The following AGBL1 variants were observed in gnomAD, a reference collection of about 807,000 sequenced individuals.
The protein encoded by AGBL1 is cytosolic carboxypeptidase 4.
AGBL1 carries 130 observed loss-of-function variants against 118.9 expected under a neutral mutation model. The ratio of observed to expected loss-of-function variants is 1.09; its 90% CI spans 0.95 to 1.26. AGBL1 has a LOEUF of 1.26. Among genes scored for constraint, AGBL1 ranks in the 50% most tolerant of loss-of-function variants. The pLI is 0.00. For missense variants in AGBL1, 1,584 were observed against 1,298.1 expected (o/e 1.22, Z -3.38); for synonymous variants, 555 against 478.9 (o/e 1.16, Z -2.08).
In AGBL1 at chr15:86,925,232, G is replaced by C. The variant is rs950051877; in HGVS notation, c.3222-62755G>C. On this transcript the variant is annotated intron_variant, in intron 23 of 24. Transcript: ENST00000441037. Reference sequence around the variant, plus strand: ...AGAAAAGAAGAAGAAAGAAGAACCTGAACCTGGGTGGCTTGTTAAAACAGA... The same window carrying C: ...AGAAAAGAAGAAGAAAGAAGAACCTCAACCTGGGTGGCTTGTTAAAACAGA... Among the ~76,000 whole-genome samples the C allele has an allele frequency of 3.3e-4, 50 of 151,630 alleles. 3 individuals are homozygous for C. Among genetic ancestry groups the C allele is most frequent in the Admixed American group, 2.6e-4 (4 of 15,186 alleles).
At chr15:86,800,887 A>G (rs1216611965) in intron 22 of AGBL1, among the ~76,000 whole-genome samples, 2 of 152,194 alleles carry the variant, frequency 1.3e-5, no homozygotes, top group Non-Finnish European at 2.9e-5. Flanking sequence ...ACTTGTTATC[A>G]GAAGCAGCAG....
At chr15:86,435,607 G>A (rs1400358812) in intron 18 of AGBL1, among the ~76,000 whole-genome samples, 2 of 152,176 alleles carry the variant, frequency 1.3e-5, no homozygotes, top group African/African-American at 4.8e-5. Context: ...GGCTGCTTTA[G>A]AATTTGGAGC....
chr15:86,363,357 C>T (rs1344976490), intron 17 of AGBL1, among the ~76,000 whole-genome samples: 1 of 152,088 alleles, frequency 6.6e-6, no homozygotes, highest in African/African-American at 2.4e-5. Context: ...GGTTTGTTCC[C>T]ATATTCTTTG....
At chr15:86,117,993 GA>G (rs1457082503) in intron 1 of AGBL1, among the ~76,000 whole-genome samples, 3 of 152,202 alleles carry the variant, frequency 2.0e-5, no homozygotes, top group Non-Finnish European at 2.9e-5. Context: ...TTCTTGATTT[GA>G]AAAGTCTCTG....
intron 24 of AGBL1, among the ~76,000 whole-genome samples, chr15:86,990,531 A>AGGTTTGGGTTCT (rs1159942638): frequency 6.6e-6 from 1 of 152,102 alleles, no homozygotes; most frequent in Non-Finnish European, 1.5e-5. Context: ...AAAAAGAGAA[A>AGGTTTGGGTTCT]GGTTTGGGTT....
At chr15:86,780,458 G>A (rs1351765228) in intron 22 of AGBL1, among the ~76,000 whole-genome samples, 1 of 151,904 alleles carries the variant, frequency 6.6e-6, no homozygotes, top group Admixed American at 6.6e-5. Context: ...TTGGCCATTT[G>A]CATTTTCATG....
chr15:86,651,360 G>A (rs1029089169), intron 21 of AGBL1, among the ~76,000 whole-genome samples: 12 of 152,156 alleles, frequency 7.9e-5, no homozygotes, highest in African/African-American at 2.9e-4. Context: ...ATGCTGAAAG[G>A]AAAGAACACT....
At chr15:86,721,021 A>T (rs533520384) in intron 22 of AGBL1, among the ~76,000 whole-genome samples, 5 of 151,850 alleles carry the variant, frequency 3.3e-5, no homozygotes, top group African/African-American at 1.2e-4. Flanking sequence ...CTTACCAATC[A>T]AAAAAAGTCC....
At chr15:86,926,156 G>A (rs752922550) in intron 23 of AGBL1, among the ~76,000 whole-genome samples, 3 of 151,530 alleles carry the variant, frequency 2.0e-5, no homozygotes, top group Non-Finnish European at 4.4e-5. Flanking sequence ...TATTCCTTTT[G>A]CCCCTGTCAT....
chr15:86,354,234 A>G (rs2080677641), intron 17 of AGBL1, among the ~76,000 whole-genome samples: 1 of 152,258 alleles, frequency 6.6e-6, no homozygotes, highest in East Asian at 1.9e-4. Flanking sequence ...TCAGGTAGTC[A>G]TAGGTAAGCA....
At chr15:86,500,414 A>G (rs1031251062) in intron 18 of AGBL1, among the ~76,000 whole-genome samples, 1 of 151,896 alleles carries the variant, frequency 6.6e-6, no homozygotes, top group African/African-American at 2.4e-5. Context: ...CATATGCTGA[A>G]AGAGTAAAAC....
chr15:86,712,440 A>G (rs2086575079), intron 22 of AGBL1, among the ~76,000 whole-genome samples: 1 of 152,150 alleles, frequency 6.6e-6, no homozygotes, highest in Non-Finnish European at 1.5e-5. Context: ...TCACAGAATA[A>G]ACACTGAGAG....
intron 19 of AGBL1, among the ~76,000 whole-genome samples, chr15:86,542,708 G>C (rs866366432): frequency 6.6e-6 from 1 of 152,004 alleles, no homozygotes; most frequent in African/African-American, 2.4e-5. Context: ...TGCAATCCTA[G>C]AGTACAGAGG....
intron 5 of AGBL1, among the ~76,000 whole-genome samples, chr15:86,216,590 A>G (rs2078193123): frequency 6.6e-6 from 1 of 152,148 alleles, no homozygotes; most frequent in Non-Finnish European, 1.5e-5. Context: ...TGTCAAACCA[A>G]CCCTGCATTC....
chr15:86,511,706 A>G (rs1487720980), intron 18 of AGBL1, among the ~76,000 whole-genome samples: 1 of 152,014 alleles, frequency 6.6e-6, no homozygotes, highest in Non-Finnish European at 1.5e-5. Flanking sequence ...TAAGTGCTCA[A>G]TGAATGTGAA....
At position 86,907,408 on chromosome 15, in the gene AGBL1, G is replaced by C. The variant is rs1029182067; in HGVS notation, c.*114G>C. 14 of 152,330 alleles carry C rather than the reference G, an allele frequency of 9.2e-5. No homozygotes were observed. Among genetic ancestry groups the C allele is most frequent in the African/African-American group, 3.4e-4 (14 of 41,568 alleles). The allele number at this position is 152,330 out of a possible 1,614,324, so 9.4% of individuals were successfully genotyped here. Reference sequence around the variant, plus strand: ...ATGTATATGTCAGTGCAAAAAGCCAGCCTGTGTGAGCTCAGCAACCCCATT... The same window carrying C: ...ATGTATATGTCAGTGCAAAAAGCCACCCTGTGTGAGCTCAGCAACCCCATT... On this transcript the variant is annotated 3_prime_UTR_variant, in exon 23 of 23. Transcript: ENST00000614907.
chr15:86,499,277 G>A (rs1019103441), intron 18 of AGBL1, among the ~76,000 whole-genome samples: 6 of 151,878 alleles, frequency 4.0e-5, no homozygotes, highest in African/African-American at 1.4e-4. Flanking sequence ...AGAAAAACAC[G>A]CTATTGTTAA....
At chr15:87,001,485 G>A (rs575195918) in intron 24 of AGBL1, among the ~76,000 whole-genome samples, 2 of 152,134 alleles carry the variant, frequency 1.3e-5, no homozygotes, top group South Asian at 4.2e-4. Flanking sequence ...ATTCCTTTGA[G>A]TATATAACCA....
intron 18 of AGBL1, among the ~76,000 whole-genome samples, chr15:86,415,897 G>A (rs58093694): frequency 0.11 from 17,340 of 152,052 alleles, 1,266 homozygotes; most frequent in African/African-American, 0.21. Context: ...ATGAAAACTG[G>A]AAAAACAAAG....
Sources: gnomAD v4.1 joint callset for allele counts (sites outside exome capture counted in the v4.1 genomes callset) on GRCh38, gnomAD v4.1.1 for gene constraint, MANE v1.5 for transcripts, NCBI Gene and HGNC (gene_info 2026-07-23, HGNC 2026-07-21) for gene names.